Variants in FAM13C observed in about 807,000 individuals in gnomAD.
FAM13C encodes the protein family with sequence similarity 13 member C.
Under a neutral mutation model 73.2 loss-of-function variants are expected in FAM13C, and 37 were observed. That is an observed-to-expected ratio of 0.51 (90% CI 0.39 to 0.67). The LOEUF (loss-of-function observed/expected upper bound fraction) is 0.67, where lower values mean the gene tolerates loss of function less well. Among genes scored for constraint, FAM13C ranks in the 30% least tolerant of loss-of-function variants. FAM13C has a pLI of 0.00. For synonymous variants in FAM13C, 246 were observed against 260.9 expected, an observed-to-expected ratio of 0.94 and a Z score of 0.55; for missense variants, 589 against 715.6, an observed-to-expected ratio of 0.82 and a Z score of 2.02.
intron 9 of FAM13C, 64 bp from the exon 10 acceptor site, chr10:59,262,709 C>A (rs1842635922): frequency 7.1e-7 from 1 of 1,416,138 alleles, no homozygotes; most frequent in Admixed American, 1.9e-5. Context: ...AATGGAGAGA[C>A]TTTCAGGAAT....
At chr10:59,310,315 G>A (rs1279403524) in intron 4 of FAM13C, among the ~76,000 whole-genome samples, 1 of 152,112 alleles carries the variant, frequency 6.6e-6, no homozygotes, top group Non-Finnish European at 1.5e-5. Flanking sequence ...AAAACAAAAG[G>A]TATATCCCAA....
chr10:59,252,379 C>CA (rs1168112259), intron 12 of FAM13C, among the ~76,000 whole-genome samples: 3 of 152,034 alleles, frequency 2.0e-5, no homozygotes, highest in South Asian at 2.1e-4. Flanking sequence ...GAACCACCAC[C>CA]AAAAAAATGA....
chr10:59,246,628 A>G lies in FAM13C; in HGVS notation c.*986T>C, dbSNP rs983741080. 2.5e-6 allele frequency: 1 copy of G among 397,680 alleles called. No homozygotes were observed. The highest frequency in any genetic ancestry group is 2.1e-5 in the African/African-American group (1 of 48,622). 24.6% of individuals were successfully genotyped at this position (397,680 alleles called of 1,614,324 possible). Reference sequence around the variant, plus strand: ...ACACTGAAGTTGATGAAGCAAATAAATATTCTGGCTTCTTTTTCAAGGTAT... The same window carrying G: ...ACACTGAAGTTGATGAAGCAAATAAGTATTCTGGCTTCTTTTTCAAGGTAT... On this transcript the variant is annotated 3_prime_UTR_variant, in exon 14 of 14. Transcript: ENST00000618804.
chr10:59,309,430 G>A (rs1467210344), intron 4 of FAM13C, among the ~76,000 whole-genome samples: 1 of 152,146 alleles, frequency 6.6e-6, no homozygotes, highest in Non-Finnish European at 1.5e-5. Context: ...ACACCCTGAA[G>A]GATTTAGTAT....
intron 6 of FAM13C, among the ~76,000 whole-genome samples, chr10:59,275,073 C>A (rs1844170283): frequency 6.6e-6 from 1 of 152,144 alleles, no homozygotes; most frequent in Non-Finnish European, 1.5e-5. Context: ...ATTAAGATGA[C>A]AAAAGCTATT....
chr10:59,267,117 C>CT (rs1017237981), intron 8 of FAM13C, among the ~76,000 whole-genome samples: 1 of 152,158 alleles, frequency 6.6e-6, no homozygotes, highest in African/African-American at 2.4e-5. Context: ...CCAAAATAGT[C>CT]TGACTCAAGA....
chr10:59,332,534 G>T (rs147748579), intron 3 of FAM13C, among the ~76,000 whole-genome samples: 6 of 152,190 alleles, frequency 3.9e-5, no homozygotes, highest in South Asian at 4.1e-4. Flanking sequence ...AAATGCTAAA[G>T]AATTTTAACT....
rs201658189 is a variant in FAM13C, at chr10:59,247,659, T to C, written c.1713A>G (p.Leu571=). Residue 571 remains leucine, a synonymous_variant, in exon 14 of 14, where the codon CTA becomes CTG. Coordinates refer to ENST00000618804, the MANE Select transcript of FAM13C (RefSeq NM_198215.4). The part of the protein sequence containing the change: ...EYKHIKAKLR[L]LEVLISKQDV... ...CTTGCTTGCTGATGAGGACCTCTAA[T>C]AGTCTCAGTTTGGCTTTTATGTGCT... 6.2e-7 allele frequency: 1 copy of C among 1,613,590 alleles called. No homozygotes were observed. Among genetic ancestry groups the C allele is most frequent in the Admixed American group, 1.7e-5 (1 of 60,008 alleles).
intron 6 of FAM13C, among the ~76,000 whole-genome samples, chr10:59,273,111 A>G (rs1371511605): frequency 6.6e-6 from 1 of 152,230 alleles, no homozygotes; most frequent in Non-Finnish European, 1.5e-5. Flanking sequence ...CTACTGTAGT[A>G]ACAATGCTGT....
intron 1 of FAM13C, among the ~76,000 whole-genome samples, chr10:59,358,685 G>T (rs1017161992): frequency 2.0e-5 from 3 of 152,162 alleles, no homozygotes; most frequent in Non-Finnish European, 2.9e-5. Context: ...GATTTGGCAA[G>T]AACTTATTTT....
At chr10:59,283,857 C>T (rs1377363014) in intron 5 of FAM13C, among the ~76,000 whole-genome samples, 1 of 152,144 alleles carries the variant, frequency 6.6e-6, no homozygotes, top group Admixed American at 6.5e-5. Context: ...ATTGTGCTGA[C>T]ATCAGGAAGC....
chr10:59,339,355 G>A (rs966041203), intron 3 of FAM13C, among the ~76,000 whole-genome samples: 1 of 152,024 alleles, frequency 6.6e-6, no homozygotes, highest in Non-Finnish European at 1.5e-5. Flanking sequence ...TCCCTATAGG[G>A]AGATTTCAAA....
chr10:59,294,846 C>T (rs574798427), intron 5 of FAM13C, among the ~76,000 whole-genome samples: 1 of 152,322 alleles, frequency 6.6e-6, no homozygotes, highest in South Asian at 2.1e-4. Flanking sequence ...TCTACCTCAA[C>T]TCAGAAAGCC....
chr10:59,326,252 G>A (rs1387584438), intron 3 of FAM13C, among the ~76,000 whole-genome samples: 4 of 152,142 alleles, frequency 2.6e-5, no homozygotes, highest in Admixed American at 2.6e-4. Flanking sequence ...AAAATGGGAA[G>A]ATAAGGAGTA....
intron 5 of FAM13C, among the ~76,000 whole-genome samples, chr10:59,300,266 C>T (rs566338316): frequency 1.3e-5 from 2 of 152,280 alleles, no homozygotes; most frequent in African/African-American, 2.4e-5. Flanking sequence ...GTATAAGGTA[C>T]GTAGGTAGCA....
At chr10:59,286,542 T>TATATATA (rs58052786) in intron 5 of FAM13C, among the ~76,000 whole-genome samples, 9 of 140,628 alleles carry the variant, frequency 6.4e-5, no homozygotes, top group South Asian at 2.4e-4. Context: ...TATATATATA[T>TATATATA]TCATCATACA....
chr10:59,332,984 C>CTTATTTAT (rs776356047), intron 3 of FAM13C, among the ~76,000 whole-genome samples: 1 of 115,214 alleles, frequency 8.7e-6, no homozygotes, highest in African/African-American at 3.4e-5. Context: ...ATTGTTGTCA[C>CTTATTTAT]TTATTTATTT....
intron 3 of FAM13C, among the ~76,000 whole-genome samples, chr10:59,346,560 C>T (rs951978417): frequency 1.3e-5 from 2 of 152,120 alleles, no homozygotes; most frequent in Non-Finnish European, 2.9e-5. Flanking sequence ...TACTTTTTGT[C>T]TTCTGCTAAA....
chr10:59,353,642 A>G (rs1855355226), intron 2 of FAM13C, among the ~76,000 whole-genome samples: 1 of 152,242 alleles, frequency 6.6e-6, no homozygotes, highest in Non-Finnish European at 1.5e-5. Context: ...GATTAAATTC[A>G]CTGAGCTGGC....
Sources: gnomAD v4.1 joint callset for allele counts (sites outside exome capture counted in the v4.1 genomes callset) on GRCh38, gnomAD v4.1.1 for gene constraint, MANE v1.5 for transcripts, NCBI Gene and HGNC (gene_info 2026-07-23, HGNC 2026-07-21) for gene names.